The following SRRM4 variants were observed in gnomAD, a reference collection of about 807,000 sequenced individuals.
The protein encoded by SRRM4 is serine/arginine repetitive matrix 4, also known as serine/arginine repetitive matrix protein 4.
Under a neutral mutation model 68.9 loss-of-function variants are expected in SRRM4, and 33 were observed. The ratio of observed to expected loss-of-function variants is 0.48; its 90% confidence interval spans 0.36 to 0.64. The LOEUF is 0.64. Among genes scored for constraint, SRRM4 ranks in the 30% least tolerant of loss-of-function variants. SRRM4 has a pLI of 0.00. For synonymous variants in SRRM4, 318 were observed against 318.8 expected (o/e 1.00, Z 0.03); for missense variants, 817 against 827.1 (o/e 0.99, Z 0.15).
chr12:119,122,447 T>C (rs1031601860), intron 6 of SRRM4, among the ~76,000 whole-genome samples: 4 of 152,212 alleles, frequency 2.6e-5, no homozygotes, highest in African/African-American at 9.6e-5. Flanking sequence ...CGCTTGTTTA[T>C]GTTGCATGAA....
rs141891623 is a variant in SRRM4 at position 119,136,996 on chromosome 12, C to T, written c.771+6162C>T. 2.0e-3 allele frequency among the ~76,000 whole-genome samples: 299 copies of T among 152,316 alleles called. 2 individuals are homozygous for T. The highest frequency in any genetic ancestry group is 7.0e-3 in the African/African-American group (289 of 41,568). ...ATCTCCTCCTCCTCCCAGATGAACT[C>T]CTACCAGGTCAATGAATCCATTCTT... On this transcript the variant is annotated intron_variant, in intron 8 of 12. Transcript: ENST00000267260.
At chr12:118,995,966 T>G (rs1332620992) in intron 1 of SRRM4, among the ~76,000 whole-genome samples, 1 of 152,220 alleles carries the variant, frequency 6.6e-6, no homozygotes, top group East Asian at 1.9e-4. Context: ...TCTCTATTCA[T>G]CCATTCTACA....
rs1157573628 is a variant in SRRM4 at position 119,110,597 on chromosome 12, G to C, written c.279-3681G>C. Among the ~76,000 whole-genome samples the C allele has an allele frequency of 3.3e-5, 5 of 152,240 alleles. No individual in the cohort carries two copies. The East Asian group carries it at 9.6e-4, about 29-fold the overall frequency. On this transcript the variant is annotated intron_variant, in intron 2 of 12. Coordinates refer to ENST00000267260, the MANE Select transcript of SRRM4 (RefSeq NM_194286.4). ...AGACTGCTGTGCTTGCAGTGAGTGA[G>C]GCTCCGTGGGCATGGGACCATCCAA...
chr12:118,981,791 C>G lies in SRRM4; in HGVS notation c.-92C>G. The G allele has an allele frequency of 6.9e-7, 1 of 1,455,318 alleles. No individual in the cohort carries two copies. The highest frequency in any genetic ancestry group is 9.3e-7 in the Non-Finnish European group (1 of 1,080,850). The allele number at this position is 1,455,318 out of a possible 1,614,324, so 90.2% of individuals were successfully genotyped here. On this transcript the variant is annotated 5_prime_UTR_variant, in exon 1 of 13. Coordinates refer to ENST00000267260, the MANE Select transcript of SRRM4 (RefSeq NM_194286.4). ...CACCCCTCTCTGGGTTTCACCCGGACAGAGCCGGGAGCTGGGTGTCGCCCC... is the reference window on the plus strand; with the variant it reads ...CACCCCTCTCTGGGTTTCACCCGGAGAGAGCCGGGAGCTGGGTGTCGCCCC...
chr12:119,116,711 T>C (rs1474186618), intron 3 of SRRM4, among the ~76,000 whole-genome samples: 5 of 152,100 alleles, frequency 3.3e-5, no homozygotes, highest in African/African-American at 1.2e-4. Context: ...AAGGTAATGG[T>C]TTACATTAAC....
intron 9 of SRRM4, among the ~76,000 whole-genome samples, chr12:119,150,793 T>C (rs753898941): frequency 1.3e-5 from 2 of 152,224 alleles, no homozygotes; most frequent in Non-Finnish European, 2.9e-5. Flanking sequence ...TGTTTCACAC[T>C]TGAGGAAATG....
At chr12:119,028,235 C>T (rs1821400930) in intron 1 of SRRM4, among the ~76,000 whole-genome samples, 1 of 152,180 alleles carries the variant, frequency 6.6e-6, no homozygotes, top group South Asian at 2.1e-4. Context: ...TGACTACCCC[C>T]ATTGAACAGA....
At chr12:118,998,472 T>C (rs1953363621) in intron 1 of SRRM4, among the ~76,000 whole-genome samples, 1 of 152,170 alleles carries the variant, frequency 6.6e-6, no homozygotes, top group Admixed American at 6.5e-5. Flanking sequence ...TATGTATTTA[T>C]CTTTCCCCCA....
At chr12:119,094,365 C>T (rs1442458175) in intron 1 of SRRM4, among the ~76,000 whole-genome samples, 3 of 152,134 alleles carry the variant, frequency 2.0e-5, no homozygotes, top group Non-Finnish European at 4.4e-5. Context: ...GAAACTCAGG[C>T]CCTCCCCCAG....
chr12:119,074,304 T>A (rs1953895784), intron 1 of SRRM4, among the ~76,000 whole-genome samples: 1 of 152,098 alleles, frequency 6.6e-6, no homozygotes, highest in South Asian at 2.1e-4. Flanking sequence ...CATAAATAGC[T>A]CCAAATAATA....
intron 2 of SRRM4, among the ~76,000 whole-genome samples, chr12:119,110,389 G>A (rs1432544680): frequency 1.3e-5 from 2 of 152,204 alleles, no homozygotes; most frequent in Non-Finnish European, 2.9e-5. Flanking sequence ...AGAAGTTTCT[G>A]CTGCCTTTTG....
intron 1 of SRRM4, among the ~76,000 whole-genome samples, chr12:118,982,686 T>TTG (rs1555212627): frequency 7.1e-6 from 1 of 141,202 alleles, no homozygotes; most frequent in African/African-American, 2.7e-5. Context: ...TTTGTTTTTT[T>TTG]TTTTTTTTTC....
chr12:119,013,716 CATTT>C (rs1323864513), intron 1 of SRRM4, among the ~76,000 whole-genome samples: 9 of 152,014 alleles, frequency 5.9e-5, no homozygotes, highest in African/African-American at 2.2e-4. Flanking sequence ...ATAGATGTAT[CATTT>C]ATTTAATCAA....
At chr12:119,051,799 G>A (rs758649444) in intron 1 of SRRM4, among the ~76,000 whole-genome samples, 23 of 152,204 alleles carry the variant, frequency 1.5e-4, no homozygotes, top group East Asian at 3.8e-4. Flanking sequence ...AACGATTAAC[G>A]TATGGTAGAA....
chr12:119,151,373 T>A (rs1954438379), intron 10 of SRRM4, among the ~76,000 whole-genome samples, 153 bp downstream of exon 10: 1 of 152,160 alleles, frequency 6.6e-6, no homozygotes, highest in South Asian at 2.1e-4. Flanking sequence ...CTTGGGAAAG[T>A]CAGTTAATTT....
At chr12:119,029,493 C>G (rs1018649334) in intron 1 of SRRM4, among the ~76,000 whole-genome samples, 2 of 152,146 alleles carry the variant, frequency 1.3e-5, no homozygotes, top group Non-Finnish European at 2.9e-5. Context: ...ATTCAACAAC[C>G]ACTGAGGCAT....
chr12:118,992,022 A>C (rs1057095322), intron 1 of SRRM4: 1 of 152,236 alleles, frequency 6.6e-6, no homozygotes, highest in Non-Finnish European at 1.5e-5. Flanking sequence ...CATAGTGCGC[A>C]TGTGTAATTT....
intron 2 of SRRM4, among the ~76,000 whole-genome samples, chr12:119,112,370 A>G (rs1954150215): frequency 1.3e-5 from 2 of 152,230 alleles, no homozygotes; most frequent in Non-Finnish European, 2.9e-5. Flanking sequence ...AATTAGTTCA[A>G]CCATTGTGGA....
At chr12:119,084,159 G>A (rs1475775591) in intron 1 of SRRM4, among the ~76,000 whole-genome samples, 1 of 152,182 alleles carries the variant, frequency 6.6e-6, no homozygotes, top group East Asian at 1.9e-4. Context: ...GCTGGAATTT[G>A]AACCCAGCCC....
Sources: gnomAD v4.1 joint callset for allele counts (sites outside exome capture counted in the v4.1 genomes callset) on GRCh38, gnomAD v4.1.1 for gene constraint, MANE v1.5 for transcripts, NCBI Gene and HGNC (gene_info 2026-07-23, HGNC 2026-07-21) for gene names.